The following SESTD1 variants were observed in gnomAD, a reference collection of about 807,000 sequenced individuals.
SESTD1 encodes the protein SEC14 domain and spectrin repeat-containing protein 1.
Under a neutral mutation model 101.7 loss-of-function variants are expected in SESTD1, and 43 were observed. That is an observed-to-expected ratio of 0.42 (90% CI 0.33 to 0.55). The LOEUF is 0.55. Ranked by LOEUF, SESTD1 falls within the 20% of genes least tolerant of loss-of-function variation. SESTD1 has a pLI of 0.07. For missense variants in SESTD1, 647 were observed against 815.1 expected (o/e 0.79, Z 2.51); for synonymous variants, 283 against 286.8 (o/e 0.99, Z 0.13).
At chr2:179,174,594 A>C (rs1326709144) in intron 4 of SESTD1, 1 of 373,178 alleles carries the variant, frequency 2.7e-6, no homozygotes, top group Non-Finnish European at 5.4e-6. Context: ...AAAGTGCTGG[A>C]AGCACTTTTT....
intron 1 of SESTD1, among the ~76,000 whole-genome samples, chr2:179,202,619 T>C (rs977622089): frequency 7.4e-6 from 1 of 134,772 alleles, no homozygotes. Flanking sequence ...CCTAAATGGG[T>C]TTCCAATAAG....
At chr2:179,147,931 C>G (rs2045431235) in intron 7 of SESTD1, among the ~76,000 whole-genome samples, 2 of 152,202 alleles carry the variant, frequency 1.3e-5, no homozygotes, top group African/African-American at 4.8e-5. Context: ...GATATTTTCA[C>G]TTCCTAAACC....
intron 7 of SESTD1, among the ~76,000 whole-genome samples, chr2:179,148,794 C>T (rs2045447632): frequency 6.6e-6 from 1 of 152,116 alleles, no homozygotes; most frequent in African/African-American, 2.4e-5. Context: ...GGTGCGGTGG[C>T]TCACGTCTGT....
chr2:179,179,858 C>A (rs777419541), intron 3 of SESTD1, among the ~76,000 whole-genome samples: 17 of 152,190 alleles, frequency 1.1e-4, no homozygotes, highest in Non-Finnish European at 1.8e-4. Flanking sequence ...ACTGTTCCAG[C>A]CACACTAGCC....
At chr2:179,122,000 T>C in intron 12 of SESTD1, 71 bp from the exon 13 acceptor site, 1 of 1,449,624 alleles carries the variant, frequency 6.9e-7, no homozygotes, top group Non-Finnish European at 9.2e-7. Flanking sequence ...ACAAATCGTC[T>C]CATCAGATAT....
At chr2:179,162,247 T>TA (rs78526224) in intron 5 of SESTD1, among the ~76,000 whole-genome samples, 6,440 of 145,188 alleles carry the variant, frequency 0.044, 136 homozygotes, top group Non-Finnish European at 0.052. Context: ...ATATTTTAAG[T>TA]AAAAAAAAAA....
At chr2:179,228,309 C>G (rs2046922033) in intron 1 of SESTD1, among the ~76,000 whole-genome samples, 1 of 152,142 alleles carries the variant, frequency 6.6e-6, no homozygotes. Flanking sequence ...AATATTATAC[C>G]TCTTACCTCG....
intron 10 of SESTD1, among the ~76,000 whole-genome samples, chr2:179,124,974 T>G (rs939976162): frequency 1.3e-5 from 2 of 152,122 alleles, no homozygotes; most frequent in Non-Finnish European, 2.9e-5. Flanking sequence ...TTCTGTGTGG[T>G]ATCACCTCAT....
Position 179,106,494 on chromosome 2 carries a change from A to AGATC in SESTD1, c.*3401_*3404dup, listed in dbSNP as rs1467033003. On this transcript the variant is annotated 3_prime_UTR_variant, in exon 18 of 18. Transcript: ENST00000428443. The stretch of plus-strand genomic sequence containing the variant: ...TCACATCATTGGTAACAATGGGTTT[A>AGATC]GATCAGAGTATGGTTTACTCATCAC... 6.6e-6 allele frequency: 1 copy of AGATC among 152,202 alleles called. No homozygotes were observed. Among genetic ancestry groups the AGATC allele is most frequent in the African/African-American group, 2.4e-5 (1 of 41,460 alleles). The allele number at this position is 152,202 out of a possible 1,614,324, so 9.4% of individuals were successfully genotyped here. A position where few individuals can be genotyped will look rare whatever the true frequency, so the allele number is the denominator to read the frequency against.
intron 1 of SESTD1, among the ~76,000 whole-genome samples, chr2:179,226,336 A>T (rs559057870): frequency 6.6e-6 from 1 of 152,324 alleles, no homozygotes; most frequent in South Asian, 2.1e-4. Context: ...GCCGTAAGAT[A>T]AAAAGAGGCA....
At chr2:179,110,669 CAG>C (rs879326980) in intron 17 of SESTD1, among the ~76,000 whole-genome samples, 13 of 152,068 alleles carry the variant, frequency 8.5e-5, no homozygotes, top group Admixed American at 8.5e-4. Context: ...GCAGTGAATC[CAG>C]AGAGACCATC....
intron 1 of SESTD1, among the ~76,000 whole-genome samples, chr2:179,220,378 T>A (rs1386239530): frequency 6.6e-6 from 1 of 152,122 alleles, no homozygotes; most frequent in Non-Finnish European, 1.5e-5. Context: ...TTCACCAAAA[T>A]AGGAGCAGCA....
intron 1 of SESTD1, among the ~76,000 whole-genome samples, chr2:179,193,956 T>C (rs1559138297): frequency 1.3e-5 from 2 of 152,170 alleles, no homozygotes; most frequent in Non-Finnish European, 2.9e-5. Flanking sequence ...TGGTCTGAAG[T>C]TCCTATTCCA....
intron 1 of SESTD1, among the ~76,000 whole-genome samples, chr2:179,193,721 A>C (rs1392265175): frequency 6.6e-6 from 1 of 152,184 alleles, no homozygotes; most frequent in Non-Finnish European, 1.5e-5. Flanking sequence ...CAGTCCCATC[A>C]TGGGACAAAC....
intron 1 of SESTD1, among the ~76,000 whole-genome samples, chr2:179,228,149 G>A (rs548268768): frequency 1.3e-5 from 2 of 152,256 alleles, no homozygotes; most frequent in Admixed American, 1.3e-4. Context: ...CACTGTGTAA[G>A]TATAGTGTCA....
chr2:179,133,977 G>T (rs2045075547), intron 9 of SESTD1, among the ~76,000 whole-genome samples: 1 of 152,044 alleles, frequency 6.6e-6, no homozygotes, highest in South Asian at 2.1e-4. Context: ...CACTATAACA[G>T]CTATTTTCAT....
In SESTD1 at chr2:179,103,012, C is replaced by T. The variant is rs1022520567; in HGVS notation, c.*6887G>A. ...TTCCACTACCCCCTCAACCTCATCA[C>T]AGAAATAACCTTTTCTGTTCAATGA... is the stretch of plus-strand genomic sequence containing the variant. On this transcript the variant is annotated 3_prime_UTR_variant, in exon 18 of 18. Coordinates refer to ENST00000428443, the MANE Select transcript of SESTD1 (RefSeq NM_178123.5). 2 of 152,066 alleles carry T rather than the reference C, an allele frequency of 1.3e-5. No individual in the cohort carries two copies. The highest frequency in any genetic ancestry group is 2.9e-5 in the Non-Finnish European group (2 of 67,998). 9.4% of individuals were successfully genotyped at this position (152,066 alleles called of 1,614,324 possible). A position where few individuals can be genotyped will look rare whatever the true frequency, so the allele number is the denominator to read the frequency against.
intron 9 of SESTD1, among the ~76,000 whole-genome samples, chr2:179,143,238 C>G (rs922866160): frequency 6.6e-6 from 1 of 151,782 alleles, no homozygotes; most frequent in Non-Finnish European, 1.5e-5. Flanking sequence ...CTTTGTAATA[C>G]CTAAATTAAC....
At position 179,117,623 on chromosome 2, in the gene SESTD1, C is replaced by A; in HGVS notation, c.1443-10G>T. On this transcript the variant is annotated splice_polypyrimidine_tract_variant and intron_variant, in intron 13 of 17. Coordinates refer to ENST00000428443, the MANE Select transcript of SESTD1 (RefSeq NM_178123.5). ...TACCATGTCTTCACATCTAATGAAC[C>A]CAAACATAAATTTAACTCATCATTT... 6.4e-7 allele frequency: 1 copy of A among 1,551,640 alleles called. No homozygotes were observed. Among genetic ancestry groups the A allele is most frequent in the Admixed American group, 2.3e-5 (1 of 44,176 alleles).
Sources: gnomAD v4.1 joint callset for allele counts (sites outside exome capture counted in the v4.1 genomes callset) on GRCh38, gnomAD v4.1.1 for gene constraint, MANE v1.5 for transcripts, NCBI Gene and HGNC (gene_info 2026-07-23, HGNC 2026-07-21) for gene names.